SOX5: variants seen among roughly 807,000 people sequenced by gnomAD.
SOX5 encodes the protein transcription factor SOX-5.
SOX5 carries 9 observed loss-of-function variants against 92.0 expected under a neutral mutation model. That is an observed-to-expected ratio of 0.10 (90% CI 0.06 to 0.17). The LOEUF is 0.17. Among genes scored for constraint, SOX5 ranks in the 10% least tolerant of loss-of-function variants. The probability of loss-of-function intolerance (pLI) is 1.00; values close to 1 mark genes in which losing one functional copy is unlikely to be tolerated. For synonymous variants in SOX5, 344 were observed against 336.3 expected (o/e 1.02, Z -0.25); for missense variants, 642 against 944.5 (o/e 0.68, Z 4.20).
chr12:23,737,321 G>A (rs969742291), intron 5 of SOX5, among the ~76,000 whole-genome samples: 2 of 151,790 alleles, frequency 1.3e-5, no homozygotes, highest in Non-Finnish European at 2.9e-5. Flanking sequence ...TGGGCAGATC[G>A]CAAGGTCAGG....
chr12:23,583,036 T>C (rs926035014), intron 9 of SOX5, among the ~76,000 whole-genome samples: 1 of 152,066 alleles, frequency 6.6e-6, no homozygotes, highest in African/African-American at 2.4e-5. Context: ...CACACACATA[T>C]ATTTGAAAAC....
intron 3 of SOX5, among the ~76,000 whole-genome samples, chr12:24,222,762 A>G (rs1057410450): frequency 8.5e-5 from 13 of 152,236 alleles, no homozygotes; most frequent in Non-Finnish European, 1.5e-5. Context: ...TCTTCCAAGC[A>G]ATTAGATTAT....
intron 1 of SOX5, 34 bp from the exon 2 acceptor site, chr12:23,896,058 C>A (rs768133967): frequency 7.0e-7 from 1 of 1,421,386 alleles, no homozygotes; most frequent in African/African-American, 1.4e-5. Flanking sequence ...AATAATGAAA[C>A]CTCCACATAA....
chr12:24,269,524 CT>C lies in SOX5; in HGVS notation c.-77+7691del, dbSNP rs1425023470. Among the ~76,000 whole-genome samples, 14 of 152,082 alleles carry C rather than the reference CT, an allele frequency of 9.2e-5. No individual in the cohort carries two copies. The South Asian group carries it at 2.7e-3, about 29-fold the overall frequency. ...CATATAATATGGTGTTCAACTAAGC[CT>C]TTTTGTGACTATTATTGATTTGTTG... is the stretch of plus-strand genomic sequence containing the variant. On this transcript the variant is annotated intron_variant, in intron 3 of 4. Coordinates refer to the SOX5 transcript ENST00000446891.
chr12:24,487,528 G>T lies in SOX5; in HGVS notation c.-251+74801C>A, dbSNP rs111641033. 3.8e-3 allele frequency among the ~76,000 whole-genome samples: 583 copies of T among 152,224 alleles called. 4 individuals carry two copies. Among genetic ancestry groups the T allele is most frequent in the Middle Eastern group, 0.014 (4 of 294 alleles). ...TGACAGGCATGAGGAGGCTGGATTT[G>T]CAAGAGGACAAAATTTTTCCCTAAT... On this transcript the variant is annotated intron_variant, in intron 1 of 4. Coordinates refer to the SOX5 transcript ENST00000446891.
At chr12:24,277,899 C>G (rs757896771) in intron 2 of SOX5, among the ~76,000 whole-genome samples, 8 of 152,086 alleles carry the variant, frequency 5.3e-5, no homozygotes, top group Non-Finnish European at 1.2e-4. Context: ...TCCATCACTG[C>G]TATGTATTTC....
rs530258702 is a variant in SOX5 at position 24,239,630 on chromosome 12, T to C, written c.-76-26213A>G. On this transcript the variant is annotated intron_variant, in intron 3 of 4. Coordinates refer to the SOX5 transcript ENST00000446891. ...AAGCCCTGGAGCTACAATTATCTGG[T>C]CGCATTAAACTGAAATCACCTGAAA... is the stretch of plus-strand genomic sequence containing the variant. Among the ~76,000 whole-genome samples the C allele has an allele frequency of 2.6e-5, 4 of 152,282 alleles. No individual in the cohort carries two copies. In the South Asian group the frequency reaches 8.3e-4, roughly 32 times the overall value.
chr12:24,220,917 T>C (rs773170789), intron 3 of SOX5, among the ~76,000 whole-genome samples: 11 of 152,188 alleles, frequency 7.2e-5, no homozygotes, highest in African/African-American at 9.6e-5. Context: ...AAAACATGTA[T>C]TGACTTATTG....
chr12:23,802,707 A>C (rs2095685263), intron 3 of SOX5, among the ~76,000 whole-genome samples: 1 of 152,224 alleles, frequency 6.6e-6, no homozygotes, highest in African/African-American at 2.4e-5. Flanking sequence ...ATATTTCTAC[A>C]ATACATTTCA....
chr12:24,416,973 C>T (rs1035399284), intron 1 of SOX5, among the ~76,000 whole-genome samples: 3 of 152,164 alleles, frequency 2.0e-5, no homozygotes, highest in Non-Finnish European at 4.4e-5. Context: ...TGTTTCCTCC[C>T]GCTGCATCGT....
At chr12:23,577,026 T>C (rs897786101) in intron 9 of SOX5, among the ~76,000 whole-genome samples, 1 of 150,800 alleles carries the variant, frequency 6.6e-6, no homozygotes, top group African/African-American at 2.4e-5. Flanking sequence ...CATTAAAGTA[T>C]ATGTTAATTA....
chr12:23,578,458 G>A (rs532674485), intron 9 of SOX5, among the ~76,000 whole-genome samples: 7 of 151,380 alleles, frequency 4.6e-5, no homozygotes, highest in South Asian at 2.1e-4. Flanking sequence ...CCACTGCCTC[G>A]TATATTAAAA....
At chr12:24,189,255 T>C (rs1203207979) in intron 4 of SOX5, among the ~76,000 whole-genome samples, 1 of 152,148 alleles carries the variant, frequency 6.6e-6, no homozygotes, top group African/African-American at 2.4e-5. Context: ...CTCCAATACC[T>C]GAAAGGCCTA....
intron 4 of SOX5, among the ~76,000 whole-genome samples, chr12:24,009,846 C>A (rs1242310696): frequency 6.6e-6 from 1 of 152,050 alleles, no homozygotes; most frequent in East Asian, 1.9e-4. Context: ...AATACCCTCC[C>A]CCAGAAATTG....
At chr12:23,998,803 CAAA>C (rs34135570) in intron 4 of SOX5, among the ~76,000 whole-genome samples, 1 of 68,086 alleles carries the variant, frequency 1.5e-5, no homozygotes, top group African/African-American at 6.9e-5. Flanking sequence ...GACTCAGTCT[CAAA>C]AAAAAAAAAA....
intron 4 of SOX5, among the ~76,000 whole-genome samples, chr12:23,983,083 T>C (rs1455066370): frequency 6.7e-6 from 1 of 150,074 alleles, no homozygotes; most frequent in African/African-American, 2.4e-5. Flanking sequence ...TCAGGTTTGG[T>C]AGTCACTGGG....
At chr12:23,597,518 C>T (rs1378879581) in intron 9 of SOX5, among the ~76,000 whole-genome samples, 1 of 152,130 alleles carries the variant, frequency 6.6e-6, no homozygotes, top group Non-Finnish European at 1.5e-5. Flanking sequence ...CTGTTGATAA[C>T]ATTTCATTTA....
intron 3 of SOX5, among the ~76,000 whole-genome samples, chr12:24,275,264 G>C (rs1220794929): frequency 6.6e-6 from 1 of 151,926 alleles, no homozygotes; most frequent in Non-Finnish European, 1.5e-5. Context: ...ATTATCCAGA[G>C]TTAATTATAT....
intron 4 of SOX5, chr12:24,212,339 T>C: frequency 3.9e-6 from 2 of 511,188 alleles, no homozygotes; most frequent in East Asian, 5.5e-5. Context: ...TAGGAGTAAG[T>C]CATTTTAATT....
Sources: gnomAD v4.1 joint callset for allele counts (sites outside exome capture counted in the v4.1 genomes callset) on GRCh38, gnomAD v4.1.1 for gene constraint, MANE v1.5 for transcripts, NCBI Gene and HGNC (gene_info 2026-07-23, HGNC 2026-07-21) for gene names.